Variants in FNDC3B observed in about 807,000 individuals in gnomAD.
FNDC3B encodes fibronectin type III domain-containing protein 3B.
In FNDC3B, 12 loss-of-function variants were observed where a neutral mutation model predicts 151.5. The ratio of observed to expected loss-of-function variants is 0.08; its 90% confidence interval spans 0.05 to 0.13. The LOEUF (loss-of-function observed/expected upper bound fraction) is 0.13. Among genes scored for constraint, FNDC3B ranks in the 10% least tolerant of loss-of-function variants. The pLI, the probability that FNDC3B is intolerant of heterozygous loss-of-function variation, is 1.00. For missense variants in FNDC3B, 1,214 were observed against 1,505.3 expected (o/e 0.81, Z 3.20); for synonymous variants, 528 against 549.0 (o/e 0.96, Z 0.54).
chr3:172,052,591 G>C (rs1334640627), intron 1 of FNDC3B, among the ~76,000 whole-genome samples: 2 of 152,172 alleles, frequency 1.3e-5, no homozygotes, highest in South Asian at 2.1e-4. Flanking sequence ...TATTTGCAGG[G>C]GGAGTTAAAG....
chr3:172,146,551 T>C (rs559554904), intron 3 of FNDC3B, among the ~76,000 whole-genome samples: 3 of 152,198 alleles, frequency 2.0e-5, no homozygotes, highest in African/African-American at 2.4e-5. Flanking sequence ...CATTTGAATA[T>C]GTAGTGAGGT....
chr3:172,385,593 C>G (rs1735670975), intron 25 of FNDC3B, among the ~76,000 whole-genome samples: 1 of 149,370 alleles, frequency 6.7e-6, no homozygotes, highest in Non-Finnish European at 1.5e-5. Context: ...GAGTCTCACT[C>G]TGTCGCCCAG....
At chr3:172,340,722 C>T (rs953515406) in intron 16 of FNDC3B, among the ~76,000 whole-genome samples, 12 of 152,182 alleles carry the variant, frequency 7.9e-5, no homozygotes, top group African/African-American at 2.2e-4. Context: ...CCAGAAGCCT[C>T]GTGGCCAAGA....
At chr3:172,345,251 A>C (rs1733544568) in intron 19 of FNDC3B, among the ~76,000 whole-genome samples, 1 of 152,238 alleles carries the variant, frequency 6.6e-6, no homozygotes, top group Non-Finnish European at 1.5e-5. Context: ...CTGAACATTA[A>C]CGCCTATGTA....
At chr3:172,270,202 T>C (rs1729129890) in intron 6 of FNDC3B, among the ~76,000 whole-genome samples, 1 of 152,234 alleles carries the variant, frequency 6.6e-6, no homozygotes, top group Non-Finnish European at 1.5e-5. Flanking sequence ...TGCACTTACA[T>C]AGAGCTTAAA....
At chr3:172,211,997 C>A (rs557720306) in intron 3 of FNDC3B, among the ~76,000 whole-genome samples, 3 of 152,322 alleles carry the variant, frequency 2.0e-5, no homozygotes, top group Non-Finnish European at 2.9e-5. Flanking sequence ...ATTAAACGAT[C>A]ACCAGGGACC....
At chr3:172,183,273 C>G (rs141865057) in intron 3 of FNDC3B, among the ~76,000 whole-genome samples, 87 of 152,214 alleles carry the variant, frequency 5.7e-4, no homozygotes, top group African/African-American at 2.0e-3. Flanking sequence ...GAAAATTACC[C>G]TTTTGCTCCC....
At chr3:172,056,798 T>C (rs1407682139) in intron 1 of FNDC3B, among the ~76,000 whole-genome samples, 1 of 152,258 alleles carries the variant, frequency 6.6e-6, no homozygotes, top group East Asian at 1.9e-4. Context: ...TTTAAAAGCG[T>C]ATGTGAATAT....
At chr3:172,342,956 G>C (rs1276339671) in intron 17 of FNDC3B, 55 bp from the exon 18 acceptor site, 1 of 1,086,522 alleles carries the variant, frequency 9.2e-7, no homozygotes, top group East Asian at 2.4e-5. Flanking sequence ...ATATGTAGAG[G>C]TCTGATAAAT....
Position 172,117,453 on chromosome 3 carries a change from C to T in FNDC3B, c.111+4863C>T, listed in dbSNP as rs142946186. On this transcript the variant is annotated intron_variant, in intron 2 of 25. Coordinates refer to ENST00000415807, the MANE Select transcript of FNDC3B (RefSeq NM_022763.4). ...TTAAAATGTAGCAGCCAGTTTTGCG[C>T]ACAAAAGAATAAACATCAGCCCAAA... Among the ~76,000 whole-genome samples the T allele has an allele frequency of 4.7e-3, 710 of 152,188 alleles. 5 individuals carry two copies. The highest frequency in any genetic ancestry group is 0.016 in the African/African-American group (658 of 41,514).
At chr3:172,065,923 T>C (rs567237223) in intron 1 of FNDC3B, among the ~76,000 whole-genome samples, 1 of 152,320 alleles carries the variant, frequency 6.6e-6, no homozygotes, top group African/African-American at 2.4e-5. Context: ...GGAATACTGT[T>C]GTTCTTGGTG....
chr3:172,260,752 A>G (rs1280310117), intron 6 of FNDC3B, among the ~76,000 whole-genome samples: 1 of 152,102 alleles, frequency 6.6e-6, no homozygotes, highest in Non-Finnish European at 1.5e-5. Context: ...ACTATTGCCA[A>G]CCCACAAACA....
intron 23 of FNDC3B, among the ~76,000 whole-genome samples, chr3:172,369,526 T>G (rs1295681190): frequency 1.3e-5 from 2 of 152,128 alleles, no homozygotes; most frequent in African/African-American, 2.4e-5. Flanking sequence ...TCAATAGGTA[T>G]AGTGAAATTT....
At chr3:172,082,317 C>G (rs1718320436) in intron 1 of FNDC3B, among the ~76,000 whole-genome samples, 1 of 152,192 alleles carries the variant, frequency 6.6e-6, no homozygotes, top group South Asian at 2.1e-4. Flanking sequence ...CATTTACTTT[C>G]TATGGACAAA....
intron 21 of FNDC3B, among the ~76,000 whole-genome samples, chr3:172,349,035 A>G (rs1272214219): frequency 1.3e-5 from 2 of 152,190 alleles, no homozygotes; most frequent in Non-Finnish European, 2.9e-5. Context: ...TCACACTTGT[A>G]ATCCCAGCAC....
intron 1 of FNDC3B, among the ~76,000 whole-genome samples, chr3:172,072,417 T>A (rs1717824744): frequency 6.6e-6 from 1 of 151,666 alleles, no homozygotes; most frequent in Non-Finnish European, 1.5e-5. Context: ...CAGTGAATGG[T>A]TGTGTCATGA....
In FNDC3B at chr3:172,239,856, CTTTT is replaced by C. The variant is rs71179981; in HGVS notation, c.265-7650_265-7647del. ...TGTTTTTAGGAGATCCATTTTAGTT[CTTTT>C]TTTTTTTTTTTTTTTTTTTTTTTTT... On this transcript the variant is annotated intron_variant, in intron 4 of 25. Coordinates refer to ENST00000415807, the MANE Select transcript of FNDC3B (RefSeq NM_022763.4). 5.6e-3 allele frequency among the ~76,000 whole-genome samples: 280 copies of C among 49,876 alleles called. 1 individual carries two copies. Among genetic ancestry groups the C allele is most frequent in the African/African-American group, 0.019 (249 of 13,286 alleles). 32.7% of individuals were successfully genotyped at this position (49,876 alleles called of 152,430 possible).
chr3:172,287,582 A>T lies in FNDC3B; in HGVS notation c.849+1598A>T, dbSNP rs575019304. Among the ~76,000 whole-genome samples, 3 of 152,324 alleles carry T rather than the reference A, an allele frequency of 2.0e-5. No homozygotes were observed. In the East Asian group the frequency reaches 5.8e-4, roughly 29 times the overall value. ...GAAAAATCTGTAAGGAAAACAGAGG[A>T]GTCAGAGAGAGAGGGCAGAGCAGCG... On this transcript the variant is annotated intron_variant, in intron 7 of 25. Coordinates refer to ENST00000415807, the MANE Select transcript of FNDC3B (RefSeq NM_022763.4).
chr3:172,200,293 A>G (rs922813211), intron 3 of FNDC3B, among the ~76,000 whole-genome samples: 16 of 152,258 alleles, frequency 1.1e-4, no homozygotes, highest in Non-Finnish European at 1.9e-4. Flanking sequence ...AACTCCACAC[A>G]GAGGCCTTGG....
Sources: allele counts gnomAD v4.1 joint callset (sites outside exome capture counted in the v4.1 genomes callset), GRCh38; gene constraint gnomAD v4.1.1; transcripts MANE v1.5; gene names NCBI Gene and HGNC (gene_info 2026-07-23, HGNC 2026-07-21).